MAMSTR: variants seen among roughly 807,000 people sequenced by gnomAD.
The protein encoded by MAMSTR is MEF2 activating motif and SAP domain containing transcriptional regulator, also known as MEF2-activating motif and SAP domain-containing transcriptional regulator.
In MAMSTR, 41 loss-of-function variants were observed where a neutral mutation model predicts 42.7. The ratio of observed to expected loss-of-function variants is 0.96; its 90% CI spans 0.75 to 1.25. The LOEUF (loss-of-function observed/expected upper bound fraction) is 1.25, where lower values mean the gene tolerates loss of function less well. Ranked by LOEUF, MAMSTR falls within the 50% of genes most tolerant of loss-of-function variation. MAMSTR has a pLI of 0.00. For synonymous variants in MAMSTR, 265 were observed against 244.1 expected, an observed-to-expected ratio of 1.09 and a Z score of -0.80; for missense variants, 567 against 557.6, an observed-to-expected ratio of 1.02 and a Z score of -0.17.
the MAMSTR span, among the ~76,000 whole-genome samples, chr19:48,707,410 G>A: frequency 3.4e-5 from 5 of 146,264 alleles, no homozygotes; most frequent in East Asian, 2.0e-4. Flanking sequence ...GCGAGACTCC[G>A]TCTAAAAAAA....
chr19:48,713,548 G>A lies in MAMSTR; in HGVS notation c.967C>T (p.Pro323Ser). The A allele has an allele frequency of 6.2e-7, 1 of 1,609,890 alleles. No individual in the cohort carries two copies. The highest frequency in any genetic ancestry group is 1.1e-5 in the South Asian group (1 of 90,916). ...AAGTCCAGGGGAATAGGGGGCAGGGGGTCTGCGGGATAAAGAATGGTACAT... is the reference window on the plus strand; with the variant it reads ...AAGTCCAGGGGAATAGGGGGCAGGGAGTCTGCGGGATAAAGAATGGTACAT... ...ILEDQVEPDD[P>S]LPPIPLDFPG... Residue 323 changes from proline to serine, a missense_variant and splice_region_variant, in exon 10 of 10, where the codon CCC (proline) becomes TCC (serine). Transcript: ENST00000318083.
rs2033160194 is a variant in MAMSTR at position 48,719,085 on chromosome 19, T to C, written c.-21-33A>G. The C allele has an allele frequency of 2.0e-6, 3 of 1,488,106 alleles. No homozygotes were observed. Among genetic ancestry groups the C allele is most frequent in the South Asian group, 2.4e-5 (2 of 82,824 alleles). 92.2% of individuals were successfully genotyped at this position (1,488,106 alleles called of 1,614,324 possible). On this transcript the variant is annotated intron_variant, in intron 1 of 9. Coordinates refer to ENST00000318083, the MANE Select transcript of MAMSTR (RefSeq NM_001130915.2). This position sits in a 1 kb window ranked among gnomAD's most constrained non-coding sequence, Gnocchi z 4.4. The stretch of plus-strand genomic sequence containing the variant: ...GAGAGGGGGCAGGGCAGGGGCCCCA[T>C]AGAGGGCTGGCTCAGAGTGGAGGTC...
downstream of MAMSTR, among the ~76,000 whole-genome samples, chr19:48,710,070 C>T (rs997470394): frequency 2.6e-5 from 4 of 151,558 alleles, no homozygotes; most frequent in African/African-American, 7.3e-5. Flanking sequence ...GGGGTTTCAC[C>T]GTGGTCTTGA....
At chr19:48,709,217 C>T (rs574647054), downstream of MAMSTR, among the ~76,000 whole-genome samples, 90 of 152,228 alleles carry the variant, frequency 5.9e-4, no homozygotes, top group African/African-American at 1.9e-3. Flanking sequence ...GGCGTGATGT[C>T]GGCTGACCAC....
At position 48,713,758 on chromosome 19, in the gene MAMSTR, G is replaced by T. The variant is rs200572999; in HGVS notation, c.922C>A (p.Arg308=). 8 of 1,614,220 alleles carry T rather than the reference G, an allele frequency of 5.0e-6. No homozygotes were observed. Among genetic ancestry groups the T allele is most frequent in the Non-Finnish European group, 6.8e-6 (8 of 1,180,040 alleles). ...AIRRAQLLPN[R]GIDDILEDQV... ...TCCTCCAGGATGTCATCGATGCCCC[G>T]GTTAGGAAGCAACTGCGGATGGAGA... The change falls in exon 9 of 10, where the codon CGG becomes AGG. Residue 308 remains arginine, a synonymous_variant. Transcript: ENST00000318083.
chr19:48,714,335 T>C, intron 7 of MAMSTR, 31 bp downstream of exon 7: 2 of 1,352,536 alleles, frequency 1.5e-6, no homozygotes, highest in Non-Finnish European at 1.9e-6. Context: ...TTTCTCTTCA[T>C]TGGTCCGCAA....
At chr19:48,706,860 G>C in the MAMSTR span, among the ~76,000 whole-genome samples, 1 of 151,996 alleles carries the variant, frequency 6.6e-6, no homozygotes, top group Admixed American at 6.6e-5. Context: ...ACTTTGGGAG[G>C]CCAAGGTGGC....
rs2122328655 is a variant in MAMSTR at position 48,715,748 on chromosome 19, C to T, written c.117G>A (p.Trp39Ter). ...NQEQISDPDP[W>*]ISASDPPLAP... is the part of the protein sequence containing the mutation. ...CCAGAGGAGGGTCTGAGGCTGAGAT[C>T]CACGGGTCCGGATCCGAGACTGGAG... is the stretch of plus-strand genomic sequence containing the variant. The change falls in exon 4 of 10, where the codon TGG becomes TGA. Residue 39 changes from tryptophan (W) to a stop codon, truncating the protein, a stop_gained. Coordinates refer to ENST00000318083, the MANE Select transcript of MAMSTR (RefSeq NM_001130915.2). LOFTEE classifies it high-confidence loss of function. The T allele has an allele frequency of 3.2e-6, 5 of 1,542,520 alleles. No homozygotes were observed. The highest frequency in any genetic ancestry group is 4.4e-6 in the Non-Finnish European group (5 of 1,144,870).
chr19:48,707,901 A>AAAGAAAAGAAAGAAAGG (rs1555755230), downstream of MAMSTR, among the ~76,000 whole-genome samples: 3 of 128,452 alleles, frequency 2.3e-5, no homozygotes, highest in African/African-American at 6.0e-5. Flanking sequence ...AGAAAGAAAG[A>AAAGAAAAGAAAGAAAGG]AAGGAAGAAA....
downstream of MAMSTR, among the ~76,000 whole-genome samples, chr19:48,712,225 G>C (rs1170476782): frequency 3.3e-5 from 5 of 151,976 alleles, no homozygotes; most frequent in African/African-American, 7.3e-5. Flanking sequence ...CAAACAGGGA[G>C]ATACAAAGGC....
chr19:48,709,251 T>G, downstream of MAMSTR, among the ~76,000 whole-genome samples: 1 of 152,198 alleles, frequency 6.6e-6, no homozygotes, highest in South Asian at 2.1e-4. Flanking sequence ...CGGATTCAAG[T>G]GATTCTCCTG....
chr19:48,711,261 A>T (rs1253242084), downstream of MAMSTR, among the ~76,000 whole-genome samples: 1 of 152,190 alleles, frequency 6.6e-6, no homozygotes, highest in Non-Finnish European at 1.5e-5. Context: ...TCATGCAAGA[A>T]ATCTAGTTAT....
rs1241552352 is a variant in MAMSTR, at chr19:48,719,043, G to A, written c.-12C>T. On this transcript the variant is annotated 5_prime_UTR_variant, in exon 2 of 10. Transcript: ENST00000318083. This position sits in a 1 kb window ranked among gnomAD's most constrained non-coding sequence, Gnocchi z 4.4. ...GCCGCCAGGGTCATTGCCAAGGCCG[G>A]GATGGGGACCTGGACGGAGAGGGGG... 2 of 1,550,984 alleles carry A rather than the reference G, an allele frequency of 1.3e-6. No individual in the cohort carries two copies. Among genetic ancestry groups the A allele is most frequent in the Admixed American group, 3.9e-5 (2 of 50,978 alleles).
At chr19:48,705,874 G>C in the MAMSTR span, 2 of 166,462 alleles carry the variant, frequency 1.2e-5, no homozygotes, top group Non-Finnish European at 2.9e-5. Context: ...ACTGCACTGC[G>C]GCCTGGACGA....
Position 48,715,658 on chromosome 19 carries a change from TGGCTCGGG to T in MAMSTR, c.199_206del (p.Pro67ArgfsTer73). 1 of 1,543,654 alleles carries T rather than the reference TGGCTCGGG, an allele frequency of 6.5e-7. No individual in the cohort carries two copies. The highest frequency in any genetic ancestry group is 8.7e-7 in the Non-Finnish European group (1 of 1,144,960). On this transcript the variant is annotated frameshift_variant, in exon 4 of 10. Transcript: ENST00000318083. LOFTEE classifies it high-confidence loss of function. ...GGGACCTCCAAGGAGGACAATATTC[TGGCTCGGG>T]GAGCAGGACCCCAGGGCTGAAGAGG...
chr19:48,707,867 G>GAAAGA (rs1212739351), downstream of MAMSTR, among the ~76,000 whole-genome samples: 3 of 105,354 alleles, frequency 2.8e-5, no homozygotes, highest in African/African-American at 1.2e-4. Context: ...AAGAAAGAAA[G>GAAAGA]AAAGAAAGAA....
chr19:48,715,505 G>A, intron 4 of MAMSTR, 59 bp from the exon 5 acceptor site: 1 of 1,463,776 alleles, frequency 6.8e-7, no homozygotes, highest in Non-Finnish European at 9.0e-7. Context: ...CCGGCCCCAG[G>A]ACTACATGCA....
Position 48,713,141 on chromosome 19 carries a change from G to C in MAMSTR, c.*126C>G. On this transcript the variant is annotated 3_prime_UTR_variant, in exon 10 of 10. Coordinates refer to ENST00000318083, the MANE Select transcript of MAMSTR (RefSeq NM_001130915.2). ...TCAGCAGCACTTCAGGAGGCAGGTG[G>C]GGTTGGAGGTTGTCTCCGATCCTGT... 1.1e-6 allele frequency: 1 copy of C among 880,304 alleles called. No homozygotes were observed. The highest frequency in any genetic ancestry group is 1.6e-6 in the Non-Finnish European group (1 of 607,522). 54.5% of individuals were successfully genotyped at this position (880,304 alleles called of 1,614,324 possible).
In MAMSTR at chr19:48,715,329, C is replaced by A; in HGVS notation, c.358G>T (p.Gly120Trp). Residue 120 changes from glycine (G) to tryptophan (W), a missense_variant, in exon 5 of 10, where the codon GGG (glycine) becomes TGG (tryptophan). By Grantham distance (184) the Gly-to-Trp change is radical (BLOSUM62 -2). Coordinates refer to ENST00000318083, the MANE Select transcript of MAMSTR (RefSeq NM_001130915.2). The stretch of plus-strand genomic sequence containing the variant: ...GGCCCAGGAGGACCCAGGGCGGACC[C>A]CTCGGCTTGGGGGTCCGCCCTGGAT... ...QGSRADPQAE[G>W]SALGPPGPSL... is the part of the protein sequence containing the mutation. The A allele has an allele frequency of 6.3e-7, 1 of 1,579,856 alleles. No homozygotes were observed. Among genetic ancestry groups the A allele is most frequent in the Non-Finnish European group, 8.6e-7 (1 of 1,168,554 alleles).
Sources: gnomAD v4.1 joint callset for allele counts (sites outside exome capture counted in the v4.1 genomes callset) on GRCh38, gnomAD v4.1.1 for gene constraint, Gnocchi (gnomAD v3.1) non-coding constraint, MANE v1.5 for transcripts, NCBI Gene and HGNC (gene_info 2026-07-23, HGNC 2026-07-21) for gene names.